The following SLC25A48 variants were observed in gnomAD, a reference collection of about 807,000 sequenced individuals.
The protein encoded by SLC25A48 is CTC-321K16.1.
A neutral mutation model predicts 32.2 loss-of-function variants in SLC25A48; 29 were observed. The observed-to-expected ratio is 0.90, with a 90% CI of 0.67 to 1.23. The LOEUF is 1.23. Ranked by LOEUF, SLC25A48 falls within the 50% of genes most tolerant of loss-of-function variation. SLC25A48 has a pLI of 0.00. For missense variants in SLC25A48, 399 were observed against 422.7 expected, an observed-to-expected ratio of 0.94 and a Z score of 0.49; for synonymous variants, 164 against 172.3, an observed-to-expected ratio of 0.95 and a Z score of 0.38.
intron 3 of SLC25A48, among the ~76,000 whole-genome samples, chr5:135,767,189 C>T (rs1342432405): frequency 1.4e-5 from 1 of 70,164 alleles, no homozygotes; most frequent in Non-Finnish European, 3.0e-5. Flanking sequence ...ACAGGTACAC[C>T]CCCCCCCCGT....
intron 6 of SLC25A48, chr5:135,874,865 G>T: frequency 2.0e-6 from 1 of 488,582 alleles, no homozygotes; most frequent in Non-Finnish European, 3.6e-6. Context: ...GCTTGCACGG[G>T]CTCCTTGCTT....
chr5:135,741,421 G>A (rs1423369719), intron 3 of SLC25A48, among the ~76,000 whole-genome samples: 1 of 152,144 alleles, frequency 6.6e-6, no homozygotes, highest in Non-Finnish European at 1.5e-5. Flanking sequence ...ATCATATGTT[G>A]GTACTTAGGT....
intron 1 of SLC25A48, among the ~76,000 whole-genome samples, chr5:135,623,669 A>G (rs1752376086): frequency 6.6e-6 from 1 of 152,206 alleles, no homozygotes; most frequent in Admixed American, 6.5e-5. Flanking sequence ...TGAGGCTTAA[A>G]TAAGCAAATG....
Position 135,617,374 on chromosome 5 carries a change from T to TATC in SLC25A48, c.-848-11861_-848-11859dup, listed in dbSNP as rs985881194. Among the ~76,000 whole-genome samples the TATC allele has an allele frequency of 2.9e-4, 44 of 152,126 alleles. 2 individuals carry two copies. The highest frequency in any genetic ancestry group is 9.9e-4 in the African/African-American group (41 of 41,504). On this transcript the variant is annotated intron_variant, in intron 1 of 10. Coordinates refer to the SLC25A48 transcript ENST00000646290. Reference sequence around the variant, plus strand: ...TTCTAGGTTACTGTAGCAAGTGATATATCAATTTTGTTTATTTGTTTTTAA... The same window carrying TATC: ...TTCTAGGTTACTGTAGCAAGTGATATATCATCAATTTTGTTTATTTGTTTTTAA...
chr5:135,786,200 G>T (rs1198541180), intron 3 of SLC25A48, among the ~76,000 whole-genome samples: 4 of 152,040 alleles, frequency 2.6e-5, no homozygotes, highest in Non-Finnish European at 5.9e-5. Context: ...TGGGGCAGGG[G>T]TGTAAAACCC....
intron 3 of SLC25A48, among the ~76,000 whole-genome samples, chr5:135,701,462 A>G (rs1362299828): frequency 6.6e-6 from 1 of 152,174 alleles, no homozygotes; most frequent in Non-Finnish European, 1.5e-5. Context: ...TTTGAGGAAC[A>G]TAACTCCCCC....
chr5:135,603,270 A>G (rs1381636786), intron 1 of SLC25A48, among the ~76,000 whole-genome samples: 1 of 152,228 alleles, frequency 6.6e-6, no homozygotes, highest in Non-Finnish European at 1.5e-5. Flanking sequence ...CCTTTTAGGA[A>G]TTCCAGACAC....
intron 3 of SLC25A48, among the ~76,000 whole-genome samples, chr5:135,700,217 C>T (rs1056554671): frequency 2.6e-5 from 4 of 151,374 alleles, no homozygotes; most frequent in Non-Finnish European, 5.9e-5. Flanking sequence ...ACTAAAAATA[C>T]AAAAATCAGC....
At chr5:135,792,943 T>C (rs1757068686) in intron 3 of SLC25A48, among the ~76,000 whole-genome samples, 1 of 151,424 alleles carries the variant, frequency 6.6e-6, no homozygotes, top group South Asian at 2.1e-4. Context: ...ATATTATTCA[T>C]TATGTCACAG....
At chr5:135,591,418 C>G (rs1435549726) in intron 1 of SLC25A48, among the ~76,000 whole-genome samples, 1 of 152,182 alleles carries the variant, frequency 6.6e-6, no homozygotes, top group Non-Finnish European at 1.5e-5. Context: ...GAACATGACT[C>G]AGGACCTGGA....
At chr5:135,603,771 A>G (rs1430580381) in intron 1 of SLC25A48, among the ~76,000 whole-genome samples, 4 of 152,214 alleles carry the variant, frequency 2.6e-5, no homozygotes, top group African/African-American at 9.6e-5. Context: ...TGAGATGCTC[A>G]TGGTTCTCTG....
At chr5:135,637,667 A>C (rs1580743292) in intron 3 of SLC25A48, among the ~76,000 whole-genome samples, 1 of 152,354 alleles carries the variant, frequency 6.6e-6, no homozygotes, top group South Asian at 2.1e-4. Context: ...ATAGCAAAGC[A>C]CAGAAAATCC....
intron 3 of SLC25A48, among the ~76,000 whole-genome samples, chr5:135,682,814 C>T (rs913836166): frequency 2.0e-5 from 3 of 152,102 alleles, no homozygotes; most frequent in Non-Finnish European, 4.4e-5. Context: ...GAGGGTATGT[C>T]AAAATGATAC....
chr5:135,620,515 G>A (rs1214184490), intron 1 of SLC25A48, among the ~76,000 whole-genome samples: 2 of 152,128 alleles, frequency 1.3e-5, no homozygotes, highest in Admixed American at 6.5e-5. Flanking sequence ...AAGATTGGAA[G>A]CTTTCATAGG....
chr5:135,675,061 A>AGAT (rs140278867), intron 3 of SLC25A48, among the ~76,000 whole-genome samples: 5,857 of 152,158 alleles, frequency 0.038, 140 homozygotes, highest in African/African-American at 0.07. Flanking sequence ...AACTGGGGAA[A>AGAT]GATGATACCT....
intron 3 of SLC25A48, among the ~76,000 whole-genome samples, chr5:135,739,244 C>T (rs1355680424): frequency 6.6e-6 from 1 of 152,102 alleles, no homozygotes; most frequent in Non-Finnish European, 1.5e-5. Context: ...CAGTCTCCTG[C>T]ATAGCTGGGA....
At chr5:135,764,321 C>T (rs764299124) in intron 3 of SLC25A48, among the ~76,000 whole-genome samples, 10 of 152,018 alleles carry the variant, frequency 6.6e-5, no homozygotes, top group Non-Finnish European at 1.5e-4. Flanking sequence ...GGAGGGTGTA[C>T]ACCCCCCTGT....
At chr5:135,683,201 G>C (rs57366721) in intron 3 of SLC25A48, among the ~76,000 whole-genome samples, 1 of 152,182 alleles carries the variant, frequency 6.6e-6, no homozygotes, top group Non-Finnish European at 1.5e-5. Flanking sequence ...GGTTTAATCA[G>C]TATTGACCAA....
upstream of SLC25A48, among the ~76,000 whole-genome samples, chr5:135,830,053 T>C (rs4588596): frequency 0.051 from 7,699 of 152,198 alleles, 434 homozygotes; most frequent in African/African-American, 0.14. Context: ...CACACAGTAC[T>C]CAAACACCTT....
Sources: gnomAD v4.1 joint callset for allele counts (sites outside exome capture counted in the v4.1 genomes callset) on GRCh38, gnomAD v4.1.1 for gene constraint, MANE v1.5 for transcripts, NCBI Gene and HGNC (gene_info 2026-07-23, HGNC 2026-07-21) for gene names.